GLRA3: variants seen among roughly 807,000 people sequenced by gnomAD.
GLRA3 encodes glycine receptor subunit alpha-3.
Under a neutral mutation model 60.4 loss-of-function variants are expected in GLRA3, and 44 were observed. The ratio of observed to expected loss-of-function variants is 0.73; its 90% CI spans 0.57 to 0.94. The LOEUF (loss-of-function observed/expected upper bound fraction) is 0.94, where lower values mean the gene tolerates loss of function less well. Ranked by LOEUF, GLRA3 falls within the 40% of genes least tolerant of loss-of-function variation. GLRA3 has a pLI of 0.00. For synonymous variants in GLRA3, 223 were observed against 192.9 expected (o/e 1.16, Z -1.29); for missense variants, 508 against 564.6 (o/e 0.90, Z 1.02).
intron 1 of GLRA3, among the ~76,000 whole-genome samples, chr4:174,803,784 C>T (rs539911923): frequency 6.6e-6 from 1 of 152,236 alleles, no homozygotes; most frequent in Non-Finnish European, 1.5e-5. Flanking sequence ...TCTTATGAGA[C>T]TCAAATGTAG....
chr4:174,762,240 TA>T (rs1422590045), intron 3 of GLRA3, among the ~76,000 whole-genome samples: 1 of 152,148 alleles, frequency 6.6e-6, no homozygotes, highest in African/African-American at 2.4e-5. Flanking sequence ...GCCAGTCCCA[TA>T]AGGTGCTTCT....
intron 7 of GLRA3, among the ~76,000 whole-genome samples, chr4:174,673,327 G>A (rs1181917404): frequency 6.6e-6 from 1 of 151,922 alleles, no homozygotes; most frequent in Admixed American, 6.6e-5. Flanking sequence ...AATTCCTTCA[G>A]TGCCAAGGTC....
Position 174,789,079 on chromosome 4 carries a change from A to C in GLRA3, c.72-136T>G, listed in dbSNP as rs911367606. On this transcript the variant is annotated intron_variant, in intron 1 of 9. Transcript: ENST00000274093. ...TAAACCTTTAGATATCATACAGTGA[A>C]GATTATAATAAGATAGACATTTATA... 57 of 518,470 alleles carry C rather than the reference A, an allele frequency of 1.1e-4. No individual in the cohort carries two copies. The African/African-American group carries it at 1.1e-3, about 10-fold the overall frequency. The allele number at this position is 518,470 out of a possible 1,614,324, so 32.1% of individuals were successfully genotyped here. A position where few individuals can be genotyped will look rare whatever the true frequency, so the allele number is the denominator to read the frequency against.
At chr4:174,695,278 C>T (rs866381767) in intron 5 of GLRA3, among the ~76,000 whole-genome samples, 5 of 151,724 alleles carry the variant, frequency 3.3e-5, no homozygotes, top group African/African-American at 4.8e-5. Context: ...CTGGCAAAGA[C>T]GCAACAAAAA....
chr4:174,644,806 C>A (rs1470167828), intron 9 of GLRA3, among the ~76,000 whole-genome samples: 1 of 150,942 alleles, frequency 6.6e-6, no homozygotes, highest in African/African-American at 2.4e-5. Flanking sequence ...TTAAATGTGG[C>A]AAACTGAAGA....
intron 1 of GLRA3, among the ~76,000 whole-genome samples, chr4:174,818,294 T>G (rs1046011902): frequency 3.9e-5 from 6 of 152,220 alleles, no homozygotes; most frequent in Non-Finnish European, 8.8e-5. Context: ...TTTTTGAAAT[T>G]TAATTCTGAT....
intron 5 of GLRA3, among the ~76,000 whole-genome samples, chr4:174,683,900 C>T (rs1734454582): frequency 6.6e-6 from 1 of 152,058 alleles, no homozygotes; most frequent in Non-Finnish European, 1.5e-5. Context: ...TTTAATGATT[C>T]ACCAATTTCT....
chr4:174,744,183 C>T (rs1313676065), intron 3 of GLRA3, among the ~76,000 whole-genome samples: 1 of 152,240 alleles, frequency 6.6e-6, no homozygotes, highest in Non-Finnish European at 1.5e-5. Context: ...ACTGGCAACA[C>T]CACCGTGCGG....
chr4:174,677,386 G>T (rs964146892), intron 6 of GLRA3, 94 bp from the exon 7 acceptor site: 1 of 704,170 alleles, frequency 1.4e-6, no homozygotes. Flanking sequence ...TTGAGACAGG[G>T]TCTCACTCTG....
chr4:174,647,331 C>T (rs554516019), intron 9 of GLRA3, among the ~76,000 whole-genome samples: 18 of 150,440 alleles, frequency 1.2e-4, no homozygotes, highest in South Asian at 4.3e-4. Flanking sequence ...TTGCTTGAAC[C>T]GGGAAGCAGA....
chr4:174,693,326 A>T (rs747196303), intron 5 of GLRA3, among the ~76,000 whole-genome samples: 21 of 152,028 alleles, frequency 1.4e-4, no homozygotes, highest in Non-Finnish European at 2.8e-4. Flanking sequence ...TCTTGAGTTG[A>T]TTTTTGTATA....
At chr4:174,723,639 T>G (rs1264183879) in intron 4 of GLRA3, among the ~76,000 whole-genome samples, 3 of 151,956 alleles carry the variant, frequency 2.0e-5, no homozygotes, top group Non-Finnish European at 4.4e-5. Flanking sequence ...ACCCCAAATC[T>G]GTCTGAAGTG....
chr4:174,759,612 T>C (rs1737861625), intron 3 of GLRA3, among the ~76,000 whole-genome samples: 1 of 152,140 alleles, frequency 6.6e-6, no homozygotes, highest in East Asian at 1.9e-4. Flanking sequence ...TACTAATTAA[T>C]ACTTTAAACA....
chr4:174,815,676 C>T (rs1740464048), intron 1 of GLRA3, among the ~76,000 whole-genome samples: 1 of 152,174 alleles, frequency 6.6e-6, no homozygotes, highest in African/African-American at 2.4e-5. Flanking sequence ...CAAGCTGTAC[C>T]TTGGCCCATT....
chr4:174,739,906 C>T (rs893268564), intron 3 of GLRA3, among the ~76,000 whole-genome samples: 2 of 152,170 alleles, frequency 1.3e-5, no homozygotes, highest in Non-Finnish European at 2.9e-5. Flanking sequence ...TCCAGAATTG[C>T]TATGAACCAG....
Position 174,735,497 on chromosome 4 carries a change from A to C in GLRA3, c.268-6799T>G, listed in dbSNP as rs1257919725. On this transcript the variant is annotated intron_variant, in intron 3 of 9. Transcript: ENST00000274093. ...TTTATTGCTGCTTGATGTTAATTAC[A>C]CAATTTACATGTTAAAATAAACATA... is the stretch of plus-strand genomic sequence containing the variant. Among the ~76,000 whole-genome samples, 8 of 152,338 alleles carry C rather than the reference A, an allele frequency of 5.3e-5. No homozygotes were observed. The South Asian group carries it at 1.0e-3, about 20-fold the overall frequency.
At chr4:174,768,073 C>G (rs1443906373) in intron 2 of GLRA3, among the ~76,000 whole-genome samples, 1 of 152,020 alleles carries the variant, frequency 6.6e-6, no homozygotes, top group African/African-American at 2.4e-5. Context: ...ATGGAAAGCT[C>G]TTTGAGTGAG....
chr4:174,648,808 A>G (rs983956239), intron 9 of GLRA3, among the ~76,000 whole-genome samples: 1 of 152,174 alleles, frequency 6.6e-6, no homozygotes, highest in Admixed American at 6.5e-5. Context: ...GGCCAGAGGT[A>G]CATCTATAAG....
intron 2 of GLRA3, among the ~76,000 whole-genome samples, chr4:174,768,266 T>A (rs1161653807): frequency 2.0e-5 from 3 of 152,146 alleles, no homozygotes; most frequent in Non-Finnish European, 4.4e-5. Flanking sequence ...TCCCTTCTGT[T>A]CTTACAGAAA....
Sources: allele counts gnomAD v4.1 joint callset (sites outside exome capture counted in the v4.1 genomes callset), GRCh38; gene constraint gnomAD v4.1.1; transcripts MANE v1.5; gene names NCBI Gene and HGNC (gene_info 2026-07-23, HGNC 2026-07-21).